BTG4: variants seen among roughly 807,000 people sequenced by gnomAD.
The protein encoded by BTG4 is BTG anti-proliferation factor 4.
In BTG4, 10 loss-of-function variants were observed where a neutral mutation model predicts 19.3. That is an observed-to-expected ratio of 0.52 (90% CI 0.32 to 0.88). The LOEUF (loss-of-function observed/expected upper bound fraction) is 0.88. Among genes scored for constraint, BTG4 ranks in the 40% least tolerant of loss-of-function variants. BTG4 has a pLI of 0.04. For missense variants in BTG4, 238 were observed against 281.9 expected (o/e 0.84, Z 1.11); for synonymous variants, 91 against 95.7 (o/e 0.95, Z 0.29).
chr11:111,392,044 C>T, the BTG4 span, among the ~76,000 whole-genome samples: 1 of 151,878 alleles, frequency 6.6e-6, no homozygotes, highest in Non-Finnish European at 1.5e-5. Flanking sequence ...TAGAGTGAGC[C>T]CTTCATTTTT....
the BTG4 span, among the ~76,000 whole-genome samples, chr11:111,423,241 C>T: frequency 6.9e-3 from 1,056 of 152,248 alleles, 7 homozygotes; most frequent in African/African-American, 0.023. Context: ...CCCGGGAGAC[C>T]GAATGAGGCA....
downstream of BTG4, among the ~76,000 whole-genome samples, chr11:111,494,142 G>A (rs1286994383): frequency 6.6e-6 from 1 of 152,112 alleles, no homozygotes; most frequent in Non-Finnish European, 1.5e-5. Flanking sequence ...ATGGAGATGA[G>A]AGAGGAGAAG....
At chr11:111,398,117 C>T in the BTG4 span, 10 of 152,258 alleles carry the variant, frequency 6.6e-5, no homozygotes, top group South Asian at 8.3e-4. Flanking sequence ...GTGTTGCTGC[C>T]GCTTTAGGTC....
rs144144543 is a variant in BTG4, at chr11:111,505,618, G to A, written c.-27+6563C>T. ...TCCAAACACAAACGCAATAAAAAAC[G>A]AAGATAGAGAAATAGGACATAAACT... is the stretch of plus-strand genomic sequence containing the variant. On this transcript the variant is annotated intron_variant, in intron 1 of 4. Coordinates refer to ENST00000692032, the MANE Select transcript of BTG4 (RefSeq NM_001367975.1). 3.9e-3 allele frequency among the ~76,000 whole-genome samples: 595 copies of A among 151,144 alleles called. 5 individuals are homozygous for A. Among genetic ancestry groups the A allele is most frequent in the African/African-American group, 0.014 (552 of 40,786 alleles).
downstream of BTG4, chr11:111,466,989 G>A (rs926452119): frequency 6.5e-6 from 1 of 152,716 alleles, no homozygotes; most frequent in Non-Finnish European, 1.5e-5. Context: ...ATATTCCCTA[G>A]GATTAAGCAC....
chr11:111,424,254 A>T, the BTG4 span, among the ~76,000 whole-genome samples: 1 of 152,240 alleles, frequency 6.6e-6, no homozygotes. Flanking sequence ...ATGATGCTCA[A>T]TTTGGGAAGC....
the BTG4 span, chr11:111,415,848 C>A: frequency 6.6e-6 from 1 of 152,088 alleles, no homozygotes; most frequent in East Asian, 1.9e-4. Context: ...TGCCATCAGA[C>A]TGGACAATAT....
chr11:111,460,626 G>GA, the BTG4 span, among the ~76,000 whole-genome samples: 1 of 152,196 alleles, frequency 6.6e-6, no homozygotes, highest in Non-Finnish European at 1.5e-5. Flanking sequence ...ACGCAGCAGA[G>GA]AGACAGCAGA....
the BTG4 span, among the ~76,000 whole-genome samples, chr11:111,389,052 C>T: frequency 2.0e-5 from 3 of 152,184 alleles, no homozygotes; most frequent in African/African-American, 4.8e-5. Flanking sequence ...AAGTCCATTT[C>T]CTTATGAATC....
At chr11:111,474,552 A>G (rs1207955828) in intron 5 of BTG4, among the ~76,000 whole-genome samples, 1 of 151,760 alleles carries the variant, frequency 6.6e-6, no homozygotes, top group Non-Finnish European at 1.5e-5. Context: ...CTGTGTAGAT[A>G]CATTACTACT....
chr11:111,442,924 T>G, the BTG4 span, among the ~76,000 whole-genome samples: 3 of 152,232 alleles, frequency 2.0e-5, no homozygotes, highest in African/African-American at 7.2e-5. Flanking sequence ...TGCCCACTCC[T>G]TAAGTGTGGG....
chr11:111,463,135 C>A (rs770291161), downstream of BTG4: 2 of 152,708 alleles, frequency 1.3e-5, no homozygotes, highest in East Asian at 3.9e-4. Context: ...GCAGTACCGA[C>A]GGGAGTGGAG....
intron 5 of BTG4, among the ~76,000 whole-genome samples, chr11:111,478,114 TCAC>T (rs1201169733): frequency 6.6e-6 from 1 of 152,036 alleles, no homozygotes; most frequent in Admixed American, 6.6e-5. Context: ...GCAGCTGCCA[TCAC>T]CACCACCACC....
chr11:111,467,719 A>G, intron 5 of BTG4: 1 of 740,288 alleles, frequency 1.4e-6, no homozygotes, highest in South Asian at 1.5e-5. Context: ...CAAAAAGAAC[A>G]AATTTTATAA....
chr11:111,456,728 A>G, the BTG4 span: 1 of 330,694 alleles, frequency 3.0e-6, no homozygotes, highest in East Asian at 7.8e-5. The surrounding 1 kb of genome is among the most constrained non-coding windows in gnomAD (Gnocchi z 4.2). Context: ...CCCACTATGG[A>G]CACCAATGCC....
the BTG4 span, chr11:111,449,466 T>A: frequency 6.6e-6 from 1 of 151,992 alleles, no homozygotes; most frequent in Non-Finnish European, 1.5e-5. Flanking sequence ...TGACCAAGGC[T>A]CAGTGGAATG....
the BTG4 span, among the ~76,000 whole-genome samples, chr11:111,410,905 TCCTCTGC>T: frequency 2.0e-5 from 3 of 152,196 alleles, no homozygotes; most frequent in Admixed American, 2.0e-4. Flanking sequence ...CCTTTTTTCA[TCCTCTGC>T]ACCCAGCCTG....
chr11:111,461,137 A>C, the BTG4 span, among the ~76,000 whole-genome samples: 1 of 152,174 alleles, frequency 6.6e-6, no homozygotes, highest in South Asian at 2.1e-4. Context: ...GCAGATCTCC[A>C]CCACAATGAA....
At chr11:111,514,486 T>A, upstream of BTG4, 1 of 350,116 alleles carries the variant, frequency 2.9e-6, no homozygotes, top group Non-Finnish European at 5.4e-6. Flanking sequence ...GGGGAGAGGA[T>A]GTGGCAGCCC....
Sources: allele counts gnomAD v4.1 joint callset (sites outside exome capture counted in the v4.1 genomes callset), GRCh38; gene constraint gnomAD v4.1.1; non-coding constraint Gnocchi (gnomAD v3.1); transcripts MANE v1.5; gene names NCBI Gene and HGNC (gene_info 2026-07-23, HGNC 2026-07-21).